TMEM272: variants seen among roughly 807,000 people sequenced by gnomAD.
TMEM272 encodes the protein long intergenic non-protein coding RNA 282.
Under a neutral mutation model 3.7 loss-of-function variants are expected in TMEM272, and 8 were observed. The ratio of observed to expected loss-of-function variants is 2.17; its 90% CI spans 1.27 to 3.91. The LOEUF (loss-of-function observed/expected upper bound fraction) is 3.91, where lower values mean the gene tolerates loss of function less well. Among genes scored for constraint, TMEM272 ranks in the 30% most tolerant of loss-of-function variants. TMEM272 has a pLI of 0.00. For synonymous variants in TMEM272, 63 were observed against 39.8 expected, an observed-to-expected ratio of 1.58 and a Z score of -2.20; for missense variants, 166 against 91.5, an observed-to-expected ratio of 1.81 and a Z score of -3.32.
the TMEM272 span, among the ~76,000 whole-genome samples, chr13:51,904,304 T>A: frequency 6.6e-6 from 1 of 152,110 alleles, no homozygotes. Context: ...TGACAGAAAC[T>A]GAATTCAGGT....
At chr13:51,928,649 C>G in the TMEM272 span, among the ~76,000 whole-genome samples, 1 of 152,160 alleles carries the variant, frequency 6.6e-6, no homozygotes, top group African/African-American at 2.4e-5. Flanking sequence ...GAGGGCAGTT[C>G]TTATCAAACA....
intron 4 of TMEM272, among the ~76,000 whole-genome samples, chr13:51,818,399 T>C (rs1385077540): frequency 6.6e-6 from 1 of 152,158 alleles, no homozygotes; most frequent in East Asian, 1.9e-4. Flanking sequence ...TGGATGGAAA[T>C]GCAGGGTCTA....
the TMEM272 span, chr13:51,865,846 G>T: frequency 1.2e-6 from 2 of 1,613,956 alleles, no homozygotes; most frequent in Admixed American, 1.7e-5. Context: ...ACAAGGCCCT[G>T]TGGGAGGAAG....
chr13:51,833,209 G>A (rs543452371), intron 2 of TMEM272, among the ~76,000 whole-genome samples: 3 of 152,120 alleles, frequency 2.0e-5, no homozygotes, highest in Admixed American at 1.3e-4. Context: ...AAATGGAGCT[G>A]AGCGTCCATC....
intron 3 of TMEM272, 98 bp downstream of exon 3, chr13:51,826,468 T>C: frequency 1.5e-6 from 1 of 675,780 alleles, no homozygotes; most frequent in Non-Finnish European, 2.7e-6. Flanking sequence ...TGGCCAGTTC[T>C]TCTTAAACAC....
At chr13:51,923,490 C>G in the TMEM272 span, among the ~76,000 whole-genome samples, 1 of 152,118 alleles carries the variant, frequency 6.6e-6, no homozygotes. Context: ...AAGCCCACAG[C>G]CAAGCACCAG....
At chr13:51,889,554 G>A in the TMEM272 span, among the ~76,000 whole-genome samples, 1 of 152,132 alleles carries the variant, frequency 6.6e-6, no homozygotes, top group African/African-American at 2.4e-5. Context: ...CTTGATCTTG[G>A]ACTTTCAGCT....
chr13:51,851,451 A>ATT, the TMEM272 span, among the ~76,000 whole-genome samples: 12,166 of 142,586 alleles, frequency 0.085, 1,450 homozygotes, highest in African/African-American at 0.27. Flanking sequence ...ATTTGTAGTC[A>ATT]TTTTTTTTTT....
At chr13:51,858,636 C>G in the TMEM272 span, among the ~76,000 whole-genome samples, 7 of 152,178 alleles carry the variant, frequency 4.6e-5, no homozygotes, top group African/African-American at 1.4e-4. Flanking sequence ...TTCTCCTTAG[C>G]TCAGCTAAAA....
At chr13:51,892,633 TTCC>T in the TMEM272 span, among the ~76,000 whole-genome samples, 17 of 152,134 alleles carry the variant, frequency 1.1e-4, no homozygotes, top group African/African-American at 4.1e-4. Flanking sequence ...GTGACCACAT[TTCC>T]TCCTTGGACC....
At chr13:51,925,137 CT>C in the TMEM272 span, among the ~76,000 whole-genome samples, 3 of 152,188 alleles carry the variant, frequency 2.0e-5, no homozygotes, top group Non-Finnish European at 2.9e-5. Flanking sequence ...CTGTTTAGCT[CT>C]TTCTTAGTTG....
chr13:51,890,261 C>T, the TMEM272 span, among the ~76,000 whole-genome samples: 1 of 152,104 alleles, frequency 6.6e-6, no homozygotes, highest in Non-Finnish European at 1.5e-5. Context: ...GGAGGTGGGG[C>T]CTAATGGGAG....
the TMEM272 span, among the ~76,000 whole-genome samples, chr13:51,920,339 C>T: frequency 6.6e-6 from 1 of 152,154 alleles, no homozygotes; most frequent in Non-Finnish European, 1.5e-5. Context: ...ATTCAGCCAA[C>T]GTGTATTTCC....
At chr13:51,829,063 A>G (rs1348067063) in intron 2 of TMEM272, among the ~76,000 whole-genome samples, 2 of 152,242 alleles carry the variant, frequency 1.3e-5, no homozygotes, top group South Asian at 2.1e-4. Flanking sequence ...ATACACCCAT[A>G]TCAAGAAGCA....
At chr13:51,892,351 C>T in the TMEM272 span, among the ~76,000 whole-genome samples, 8 of 152,342 alleles carry the variant, frequency 5.3e-5, no homozygotes, top group African/African-American at 1.9e-4. Flanking sequence ...TCATCTCAGC[C>T]TGGAACATCT....
At chr13:51,870,468 A>AAGAGG in the TMEM272 span, among the ~76,000 whole-genome samples, 2 of 152,172 alleles carry the variant, frequency 1.3e-5, no homozygotes, top group African/African-American at 4.8e-5. Flanking sequence ...AATGAAAGAG[A>AAGAGG]AGAGGAGGGG....
chr13:51,931,490 G>A, the TMEM272 span, among the ~76,000 whole-genome samples: 4 of 152,098 alleles, frequency 2.6e-5, no homozygotes, highest in African/African-American at 9.7e-5. Flanking sequence ...GGCCTGCTGA[G>A]GGGTGGGGGA....
chr13:51,818,842 G>T (rs1176863919), intron 4 of TMEM272, among the ~76,000 whole-genome samples: 1 of 152,128 alleles, frequency 6.6e-6, no homozygotes, highest in South Asian at 2.1e-4. Context: ...CTAGCCTGGG[G>T]CCGCGTATTA....
At chr13:51,895,596 T>C in the TMEM272 span, among the ~76,000 whole-genome samples, 2 of 152,094 alleles carry the variant, frequency 1.3e-5, no homozygotes, top group Admixed American at 6.6e-5. Context: ...GGCCTGAAGC[T>C]AGGGCTACCA....
Sources: allele counts gnomAD v4.1 joint callset (sites outside exome capture counted in the v4.1 genomes callset), GRCh38; gene constraint gnomAD v4.1.1; transcripts MANE v1.5; gene names NCBI Gene and HGNC (gene_info 2026-07-23, HGNC 2026-07-21).